Variants in ZCCHC7 observed in about 807,000 individuals in gnomAD.
ZCCHC7 encodes the protein zinc finger CCHC-type containing 7.
In ZCCHC7, 35 loss-of-function variants were observed where a neutral mutation model predicts 52.0. The observed-to-expected ratio is 0.67, with a 90% CI of 0.51 to 0.89. The LOEUF is 0.89. Among genes scored for constraint, ZCCHC7 ranks in the 40% least tolerant of loss-of-function variants. The pLI is 0.00. For synonymous variants in ZCCHC7, 217 were observed against 221.5 expected (o/e 0.98, Z 0.18); for missense variants, 574 against 649.1 (o/e 0.88, Z 1.26).
At chr9:37,285,559 A>T (rs574527433) in intron 2 of ZCCHC7, among the ~76,000 whole-genome samples, 2 of 152,254 alleles carry the variant, frequency 1.3e-5, no homozygotes, top group East Asian at 3.9e-4. Context: ...CATTTGGCCT[A>T]TAATAGGCTA....
chr9:37,254,833 G>GTTTATTTTT (rs767381289), intron 2 of ZCCHC7, among the ~76,000 whole-genome samples: 1 of 12,410 alleles, frequency 8.1e-5, no homozygotes, highest in Non-Finnish European at 2.0e-4. Context: ...TGCTCAAAAA[G>GTTTATTTTT]TTTCTTTTTT....
chr9:37,337,673 A>G (rs890404596), intron 6 of ZCCHC7, among the ~76,000 whole-genome samples: 13 of 152,248 alleles, frequency 8.5e-5, no homozygotes, highest in Non-Finnish European at 1.8e-4. Flanking sequence ...AGGAAATATA[A>G]AAAGGAAATA....
intron 2 of ZCCHC7, among the ~76,000 whole-genome samples, chr9:37,163,543 T>C (rs1220772104): frequency 1.3e-5 from 2 of 152,236 alleles, no homozygotes; most frequent in African/African-American, 4.8e-5. Flanking sequence ...CGTTCTGATA[T>C]TTGTGCAGTG....
chr9:37,350,157 T>G (rs1266820027), intron 7 of ZCCHC7, among the ~76,000 whole-genome samples: 1 of 145,498 alleles, frequency 6.9e-6, no homozygotes, highest in Non-Finnish European at 1.5e-5. Flanking sequence ...AGACGGAGTT[T>G]CACTCTTGTT....
chr9:37,132,721 T>A (rs1464639821), intron 2 of ZCCHC7, among the ~76,000 whole-genome samples: 1 of 152,224 alleles, frequency 6.6e-6, no homozygotes, highest in East Asian at 1.9e-4. Context: ...ATAACCTATT[T>A]ACATCCTCTC....
At chr9:37,220,392 A>C (rs1824747195) in intron 2 of ZCCHC7, among the ~76,000 whole-genome samples, 1 of 152,168 alleles carries the variant, frequency 6.6e-6, no homozygotes, top group African/African-American at 2.4e-5. Flanking sequence ...AATATAAAAA[A>C]TTAGCCAGGT....
At chr9:37,220,221 C>A (rs1564186776) in intron 2 of ZCCHC7, among the ~76,000 whole-genome samples, 2 of 152,050 alleles carry the variant, frequency 1.3e-5, no homozygotes, top group African/African-American at 4.8e-5. Flanking sequence ...TCTGATTAGA[C>A]TGTTAAGATT....
At chr9:37,188,475 A>C (rs1822786022) in intron 2 of ZCCHC7, among the ~76,000 whole-genome samples, 1 of 139,080 alleles carries the variant, frequency 7.2e-6, no homozygotes. Context: ...CTCTCCTCTC[A>C]TCTTCTCTCC....
chr9:37,239,497 T>C (rs1171454887), intron 2 of ZCCHC7, among the ~76,000 whole-genome samples: 1 of 152,138 alleles, frequency 6.6e-6, no homozygotes, highest in Non-Finnish European at 1.5e-5. Context: ...GATTGGTTGC[T>C]AGTAAAAGAA....
chr9:37,354,370 C>T lies in ZCCHC7; in HGVS notation c.1084-340C>T, dbSNP rs1359367609. Reference sequence around the variant, plus strand: ...GTGATGGACAAGCAAAGGAGTAATACTAACATGAGGCCGAATAACATAAAC... The same window carrying T: ...GTGATGGACAAGCAAAGGAGTAATATTAACATGAGGCCGAATAACATAAAC... On this transcript the variant is annotated intron_variant, in intron 7 of 8. Transcript: ENST00000336755. The surrounding 1 kb of genome is among the most constrained non-coding windows in gnomAD (Gnocchi z 4.0). Among the ~76,000 whole-genome samples, 1 of 152,066 alleles carries T rather than the reference C, an allele frequency of 6.6e-6. No individual in the cohort carries two copies. The highest frequency in any genetic ancestry group is 1.5e-5 in the Non-Finnish European group (1 of 68,034).
At chr9:37,241,628 G>A (rs567439038) in intron 2 of ZCCHC7, among the ~76,000 whole-genome samples, 2 of 151,900 alleles carry the variant, frequency 1.3e-5, no homozygotes, top group East Asian at 3.9e-4. Flanking sequence ...CATTTTAGCA[G>A]CAGTATCTTC....
chr9:37,339,590 C>T (rs925421791), intron 6 of ZCCHC7, among the ~76,000 whole-genome samples: 2 of 152,264 alleles, frequency 1.3e-5, no homozygotes, highest in South Asian at 2.1e-4. Context: ...TGAAGAGGTG[C>T]CTAGGCACAT....
chr9:37,279,623 C>A (rs1218220623), intron 2 of ZCCHC7, among the ~76,000 whole-genome samples: 1 of 151,806 alleles, frequency 6.6e-6, no homozygotes, highest in Admixed American at 6.6e-5. Flanking sequence ...CTTTGGGAGG[C>A]CAAGGCAGGA....
At chr9:37,128,627 G>A (rs372333757) in intron 2 of ZCCHC7, among the ~76,000 whole-genome samples, 68 of 152,176 alleles carry the variant, frequency 4.5e-4, no homozygotes, top group Admixed American at 1.2e-3. Context: ...TTTATAATGC[G>A]TTGCTCTAGG....
At chr9:37,128,878 C>T (rs575995899) in intron 2 of ZCCHC7, among the ~76,000 whole-genome samples, 1 of 152,258 alleles carries the variant, frequency 6.6e-6, no homozygotes, top group African/African-American at 2.4e-5. Flanking sequence ...TTGGGTTAGG[C>T]GTAACACTAT....
intron 5 of ZCCHC7, among the ~76,000 whole-genome samples, chr9:37,321,964 C>T (rs1830071891): frequency 6.6e-6 from 1 of 152,048 alleles, no homozygotes; most frequent in African/African-American, 2.4e-5. Context: ...ACCAAAGGGA[C>T]AATGAAATCA....
intron 2 of ZCCHC7, among the ~76,000 whole-genome samples, chr9:37,236,501 C>T (rs1365478828): frequency 1.3e-5 from 2 of 152,020 alleles, no homozygotes; most frequent in African/African-American, 4.8e-5. Flanking sequence ...ACGCCATTCT[C>T]CTGCCTCAGC....
chr9:37,336,796 T>C (rs1377623842), intron 6 of ZCCHC7, among the ~76,000 whole-genome samples: 1 of 152,170 alleles, frequency 6.6e-6, no homozygotes, highest in Non-Finnish European at 1.5e-5. Context: ...TTATGTGTTC[T>C]TTTCTGTCCC....
chr9:37,242,993 C>T (rs78255429), intron 2 of ZCCHC7, among the ~76,000 whole-genome samples: 7,714 of 151,774 alleles, frequency 0.051, 640 homozygotes, highest in African/African-American at 0.17. Context: ...TGTATACTTA[C>T]CTATGACATA....
Sources: allele counts gnomAD v4.1 joint callset (sites outside exome capture counted in the v4.1 genomes callset), GRCh38; gene constraint gnomAD v4.1.1; non-coding constraint Gnocchi (gnomAD v3.1); transcripts MANE v1.5; gene names NCBI Gene and HGNC (gene_info 2026-07-23, HGNC 2026-07-21).